SETD5: variants seen among roughly 807,000 people sequenced by gnomAD.
The protein encoded by SETD5 is histone-lysine N-methyltransferase SETD5.
SETD5 carries 44 observed loss-of-function variants against 153.3 expected under a neutral mutation model. The ratio of observed to expected loss-of-function variants is 0.29; its 90% CI spans 0.23 to 0.37. The LOEUF is 0.37. SETD5 is among the 10% of genes least tolerant of loss of function. SETD5 has a pLI of 1.00. For synonymous variants in SETD5, 716 were observed against 645.2 expected (o/e 1.11, Z -1.66); for missense variants, 1,544 against 1,768.0 (o/e 0.87, Z 2.27).
rs1181772142 is a variant in SETD5, at chr3:9,475,539, C to T, written c.3777C>T (p.Ser1259=). The T allele has an allele frequency of 3.1e-6, 5 of 1,613,790 alleles. No homozygotes were observed. The highest frequency in any genetic ancestry group is 2.2e-5 in the East Asian group (1 of 44,886). ...TESQSLLQQS[S]SPFRGHPTQS... ...CACAAAGCCTCCTTCAGCAGAGTTC[C>T]TCCCCCTTCAGAGGACATCCTACAC... The change falls in exon 23 of 23, where the codon TCC becomes TCT. Residue 1259 remains serine, a synonymous_variant. Coordinates refer to ENST00000402198, the MANE Select transcript of SETD5 (RefSeq NM_001080517.3).
In SETD5 at chr3:9,476,172, T is replaced by C; in HGVS notation, c.*81T>C. On this transcript the variant is annotated 3_prime_UTR_variant, in exon 23 of 23. Coordinates refer to ENST00000402198, the MANE Select transcript of SETD5 (RefSeq NM_001080517.3). ...CTGCCTCTGGAACCTAGGCCGAGCA[T>C]ATTGCTGAGGAACGGGGGGTACAAG... 2 of 1,504,186 alleles carry C rather than the reference T, an allele frequency of 1.3e-6. No homozygotes were observed. The highest frequency in any genetic ancestry group is 1.8e-6 in the Non-Finnish European group (2 of 1,123,570). 93.2% of individuals were successfully genotyped at this position (1,504,186 alleles called of 1,614,324 possible).
At chr3:9,457,915 T>A (rs1489756647) in intron 17 of SETD5, among the ~76,000 whole-genome samples, 2 of 151,838 alleles carry the variant, frequency 1.3e-5, no homozygotes, top group Non-Finnish European at 2.9e-5. Context: ...GAAGTCTACC[T>A]TTAAAAAAAT....
At chr3:9,440,054 A>G (rs1349816431) in intron 7 of SETD5, among the ~76,000 whole-genome samples, 1 of 152,194 alleles carries the variant, frequency 6.6e-6, no homozygotes, top group Non-Finnish European at 1.5e-5. Flanking sequence ...GAGTATGAAA[A>G]ATTTAAGCAG....
At chr3:9,460,352 A>G (rs936875801) in intron 17 of SETD5, among the ~76,000 whole-genome samples, 3 of 151,992 alleles carry the variant, frequency 2.0e-5, no homozygotes, top group Admixed American at 6.6e-5. Flanking sequence ...TGTGAATAAC[A>G]AAGATTATGC....
chr3:9,443,294 G>T lies in SETD5; in HGVS notation c.1078-14G>T. The T allele has an allele frequency of 6.5e-7, 1 of 1,544,994 alleles. No individual in the cohort carries two copies. Among genetic ancestry groups the T allele is most frequent in the South Asian group, 1.2e-5 (1 of 83,160 alleles). ...GTCTTTATGAAAAATCCAACCAGAA[G>T]CCTTTTCACACAGGTGCGACACATG... On this transcript the variant is annotated splice_polypyrimidine_tract_variant and intron_variant, in intron 10 of 22. Coordinates refer to ENST00000402198, the MANE Select transcript of SETD5 (RefSeq NM_001080517.3).
At chr3:9,461,573 G>T (rs943189391) in intron 17 of SETD5, among the ~76,000 whole-genome samples, 3 of 152,162 alleles carry the variant, frequency 2.0e-5, no homozygotes, top group Admixed American at 6.5e-5. Context: ...AACTATATAT[G>T]CAGGAAAAAG....
rs2290163 is a variant in SETD5 at position 9,464,367 on chromosome 3, G to A, written c.2477-58G>A. On this transcript the variant is annotated intron_variant, in intron 17 of 22. Coordinates refer to ENST00000402198, the MANE Select transcript of SETD5 (RefSeq NM_001080517.3). ...TAGATTACAGATTAATGGCTTTACT[G>A]TAGAGCCTTAAATTAATCTGTGGTT... The A allele has an allele frequency of 4.9e-3, 7,683 of 1,567,746 alleles. 257 individuals are homozygous for A. The East Asian group carries it at 0.087, about 18-fold the overall frequency.
chr3:9,434,648 C>G lies in SETD5; in HGVS notation c.329+163C>G. 2 of 1,470,816 alleles carry G rather than the reference C, an allele frequency of 1.4e-6. No individual in the cohort carries two copies. Among genetic ancestry groups the G allele is most frequent in the Non-Finnish European group, 1.8e-6 (2 of 1,111,504 alleles). 91.1% of individuals were successfully genotyped at this position (1,470,816 alleles called of 1,614,324 possible). On this transcript the variant is annotated intron_variant, in intron 5 of 22. Coordinates refer to ENST00000402198, the MANE Select transcript of SETD5 (RefSeq NM_001080517.3). This position sits in a 1 kb window ranked among gnomAD's most constrained non-coding sequence, Gnocchi z 5.6. ...TGCACTAGGTGAGAATTGCTGACAA[C>G]AAGGAATGAGAGATTGATGTTAAAG...
At position 9,434,858 on chromosome 3, in the gene SETD5, C is replaced by T. The variant is rs2125100562; in HGVS notation, c.364C>T (p.Arg122Trp). ...CAGGGGGAAGGTTATTAGACTTCAT[C>T]GGCGGAAGCAGGACAACATATCAGG... ...MSRGKVIRLH[R>W]RKQDNISGGD... Residue 122 changes from arginine to tryptophan, a missense_variant, in exon 6 of 23, where the codon CGG becomes TGG. Physicochemically the swap from Arg to Trp is moderately radical, Grantham distance 101. Coordinates refer to ENST00000402198, the MANE Select transcript of SETD5 (RefSeq NM_001080517.3). This position sits in a 1 kb window ranked among gnomAD's most constrained non-coding sequence, Gnocchi z 5.6. 2 of 1,613,430 alleles carry T rather than the reference C, an allele frequency of 1.2e-6. No individual in the cohort carries two copies. Among genetic ancestry groups the T allele is most frequent in the Non-Finnish European group, 1.7e-6 (2 of 1,179,700 alleles).
chr3:9,428,910 G>A lies in SETD5; in HGVS notation c.-29G>A. The A allele has an allele frequency of 6.3e-7, 1 of 1,596,068 alleles. No homozygotes were observed. Among genetic ancestry groups the A allele is most frequent in the African/African-American group, 1.3e-5 (1 of 74,630 alleles). On this transcript the variant is annotated 5_prime_UTR_variant, in exon 3 of 23. The change abolishes the stop of an existing upstream ORF in the 5' untranslated region. Transcript: ENST00000402198. ...TCAGTCTCCATTAATTGGACCCCGT[G>A]ATTTCCAATCTCTGCTGTGTTGGAC...
intron 17 of SETD5, among the ~76,000 whole-genome samples, chr3:9,462,053 T>C (rs1393277751): frequency 2.0e-5 from 3 of 152,232 alleles, no homozygotes; most frequent in Admixed American, 6.5e-5. Flanking sequence ...GCATCTTCAA[T>C]AATTTTTTGC....
intron 3 of SETD5, chr3:9,430,805 C>G: frequency 1.0e-6 from 1 of 985,006 alleles, no homozygotes; most frequent in Non-Finnish European, 1.2e-6. Context: ...AGGACTAATT[C>G]CAGAAATAAA....
Position 9,434,896 on chromosome 3 carries a change from G to C in SETD5, c.388+14G>C. 1 of 1,611,162 alleles carries C rather than the reference G, an allele frequency of 6.2e-7. No homozygotes were observed. The highest frequency in any genetic ancestry group is 2.2e-5 in the East Asian group (1 of 44,830). On this transcript the variant is annotated intron_variant, in intron 6 of 22. Transcript: ENST00000402198. This position sits in a 1 kb window ranked among gnomAD's most constrained non-coding sequence, Gnocchi z 5.6. Reference sequence around the variant, plus strand: ...ACAACATATCAGGTGAGCGGAAGATGGGTTAGGTCCACAATTTGACATAAA... The same window carrying C: ...ACAACATATCAGGTGAGCGGAAGATCGGTTAGGTCCACAATTTGACATAAA...
intron 1 of SETD5, among the ~76,000 whole-genome samples, chr3:9,414,185 C>T (rs892685983): frequency 1.3e-5 from 2 of 152,162 alleles, no homozygotes; most frequent in African/African-American, 4.8e-5. Flanking sequence ...GAAAAACAGT[C>T]ACAAAGTAGT....
intron 1 of SETD5, chr3:9,423,345 C>A (rs1442245173): frequency 1.3e-5 from 2 of 152,170 alleles, no homozygotes; most frequent in Admixed American, 1.3e-4. Context: ...AGAGAGTACT[C>A]GGTACTACTG....
At chr3:9,450,422 A>T (rs6792674) in intron 16 of SETD5, among the ~76,000 whole-genome samples, 9,267 of 152,298 alleles carry the variant, frequency 0.061, 423 homozygotes, top group Admixed American at 0.12. Flanking sequence ...AAACTGTTTA[A>T]GTCATTGCTT....
At chr3:9,426,706 T>C (rs1238011422) in intron 2 of SETD5, among the ~76,000 whole-genome samples, 1 of 151,484 alleles carries the variant, frequency 6.6e-6, no homozygotes, top group Non-Finnish European at 1.5e-5. Context: ...ACCAGGTAAA[T>C]TTTGTATTTT....
In SETD5 at chr3:9,445,098, T is replaced by C. The variant is rs770802399; in HGVS notation, c.1238T>C (p.Ile413Thr). 1 of 1,613,764 alleles carries C rather than the reference T, an allele frequency of 6.2e-7. No homozygotes were observed. Among genetic ancestry groups the C allele is most frequent in the Non-Finnish European group, 8.5e-7 (1 of 1,179,850 alleles). Residue 413 changes from isoleucine (I) to threonine (T), a missense_variant, in exon 12 of 23, where the codon ATA becomes ACA. Transcript: ENST00000402198. ...ACHKGNRNCP[I>T]QKRNPNATEL... ...CACAAGGGAAACCGGAATTGTCCTA[T>C]ACAAAAAAGGAATCCTAATGCTACA...
At chr3:9,445,976 T>TTTTTTTTTTTTG (rs2041924247) in intron 13 of SETD5, among the ~76,000 whole-genome samples, 1 of 147,202 alleles carries the variant, frequency 6.8e-6, no homozygotes, top group African/African-American at 2.5e-5. Flanking sequence ...TTTTTTTTTT[T>TTTTTTTTTTTTG]TTTTTTTTTT....
Sources: allele counts gnomAD v4.1 joint callset (sites outside exome capture counted in the v4.1 genomes callset), GRCh38; gene constraint gnomAD v4.1.1; non-coding constraint Gnocchi (gnomAD v3.1); transcripts MANE v1.5; gene names NCBI Gene and HGNC (gene_info 2026-07-23, HGNC 2026-07-21).